Variants in CNTN4 observed in about 807,000 individuals in gnomAD.
CNTN4 encodes contactin-4.
Under a neutral mutation model 122.5 loss-of-function variants are expected in CNTN4, and 77 were observed. That is an observed-to-expected ratio of 0.63 (90% CI 0.52 to 0.76). The LOEUF (loss-of-function observed/expected upper bound fraction) is 0.76. CNTN4 is among the 30% of genes least tolerant of loss of function. CNTN4 has a pLI of 0.00. For missense variants in CNTN4, 1,256 were observed against 1,259.1 expected (o/e 1.00, Z 0.04); for synonymous variants, 512 against 447.0 (o/e 1.15, Z -1.83).
chr3:2,227,085 C>T (rs1023001913), intron 2 of CNTN4, among the ~76,000 whole-genome samples: 5 of 152,000 alleles, frequency 3.3e-5, no homozygotes, highest in African/African-American at 1.2e-4. Context: ...TCTGTTACTA[C>T]CTGCGTATTT....
intron 2 of CNTN4, among the ~76,000 whole-genome samples, chr3:2,159,662 G>T (rs76900868): frequency 6.6e-6 from 1 of 152,034 alleles, no homozygotes; most frequent in Non-Finnish European, 1.5e-5. Context: ...GCATCTTACC[G>T]TGTGAGGTGG....
At chr3:2,380,290 C>T (rs1291907530) in intron 3 of CNTN4, among the ~76,000 whole-genome samples, 1 of 118,944 alleles carries the variant, frequency 8.4e-6, no homozygotes, top group African/African-American at 2.6e-5. Flanking sequence ...TCAATGGTAA[C>T]ATTAGGGTTT....
At chr3:2,749,500 A>G (rs1342486982) in intron 6 of CNTN4, among the ~76,000 whole-genome samples, 1 of 151,996 alleles carries the variant, frequency 6.6e-6, no homozygotes, top group Non-Finnish European at 1.5e-5. Flanking sequence ...ATGATTGTGT[A>G]TTTACTTTTT....
At chr3:2,407,858 G>A (rs1337248219) in intron 3 of CNTN4, among the ~76,000 whole-genome samples, 1 of 152,162 alleles carries the variant, frequency 6.6e-6, no homozygotes, top group African/African-American at 2.4e-5. Context: ...TTCCCTTCAT[G>A]TAATATTCCC....
At chr3:2,387,432 A>G (rs1259989955) in intron 3 of CNTN4, among the ~76,000 whole-genome samples, 1 of 152,186 alleles carries the variant, frequency 6.6e-6, no homozygotes, top group African/African-American at 2.4e-5. Flanking sequence ...ATTTTTTATC[A>G]AAAGAAGTAT....
chr3:2,862,473 C>G (rs1436733982), intron 7 of CNTN4, among the ~76,000 whole-genome samples: 5 of 152,160 alleles, frequency 3.3e-5, no homozygotes, highest in African/African-American at 1.2e-4. Flanking sequence ...CTAGGCCTTT[C>G]TTCTTTAATG....
At chr3:2,627,736 G>T (rs547328406) in intron 4 of CNTN4, among the ~76,000 whole-genome samples, 6 of 151,966 alleles carry the variant, frequency 3.9e-5, no homozygotes, top group Non-Finnish European at 7.4e-5. Context: ...CTTGTGATCT[G>T]CCCGCCTCGG....
intron 6 of CNTN4, among the ~76,000 whole-genome samples, chr3:2,787,602 C>T (rs1044539455): frequency 6.6e-6 from 1 of 152,058 alleles, no homozygotes; most frequent in Admixed American, 6.6e-5. Context: ...GAATTGGATT[C>T]CCTGAATTCA....
At chr3:3,004,565 A>C (rs1260779305) in intron 14 of CNTN4, among the ~76,000 whole-genome samples, 2 of 152,236 alleles carry the variant, frequency 1.3e-5, no homozygotes, top group African/African-American at 4.8e-5. Context: ...AAGATAGACA[A>C]ATCAGGTTCT....
chr3:2,115,276 A>G (rs1180083985), intron 2 of CNTN4, among the ~76,000 whole-genome samples: 1 of 152,250 alleles, frequency 6.6e-6, no homozygotes, highest in Non-Finnish European at 1.5e-5. Flanking sequence ...CCCACTGAAC[A>G]TGGTGTGTGG....
chr3:2,400,103 C>T (rs978430929), intron 3 of CNTN4, among the ~76,000 whole-genome samples: 1 of 151,806 alleles, frequency 6.6e-6, no homozygotes, highest in South Asian at 2.1e-4. Flanking sequence ...GGATATCAGT[C>T]CTGTAAGGAT....
intron 2 of CNTN4, among the ~76,000 whole-genome samples, chr3:2,192,763 C>A (rs751664036): frequency 2.0e-5 from 3 of 152,094 alleles, no homozygotes; most frequent in Non-Finnish European, 4.4e-5. Flanking sequence ...GAATGGCTTA[C>A]TGATTTTTCT....
chr3:2,710,713 C>G (rs2087093023), intron 4 of CNTN4, among the ~76,000 whole-genome samples: 1 of 152,074 alleles, frequency 6.6e-6, no homozygotes, highest in South Asian at 2.1e-4. Flanking sequence ...CTAATTGAGG[C>G]CATTTCTACC....
At chr3:2,701,868 T>C (rs545783225) in intron 4 of CNTN4, among the ~76,000 whole-genome samples, 107 of 152,304 alleles carry the variant, frequency 7.0e-4, no homozygotes, top group African/African-American at 2.4e-3. Flanking sequence ...TTTGCACCAA[T>C]GTAAACAGGA....
At chr3:2,833,892 C>T (rs1026909489) in intron 7 of CNTN4, among the ~76,000 whole-genome samples, 1 of 152,152 alleles carries the variant, frequency 6.6e-6, no homozygotes, top group Non-Finnish European at 1.5e-5. Context: ...ATAATCCCAA[C>T]ACTTGGGGAG....
At chr3:2,608,850 G>A (rs900365433) in intron 4 of CNTN4, among the ~76,000 whole-genome samples, 6 of 152,324 alleles carry the variant, frequency 3.9e-5, no homozygotes, top group African/African-American at 1.4e-4. Flanking sequence ...GTTGTGGCAT[G>A]AACTATCTGA....
chr3:2,953,861 G>A (rs1019717083), intron 13 of CNTN4, among the ~76,000 whole-genome samples: 8 of 152,082 alleles, frequency 5.3e-5, no homozygotes, highest in Non-Finnish European at 1.0e-4. Context: ...TTAATGCACC[G>A]ATTCATTCAT....
intron 2 of CNTN4, among the ~76,000 whole-genome samples, chr3:2,314,908 T>C (rs1016058119): frequency 1.3e-5 from 2 of 152,196 alleles, no homozygotes; most frequent in Non-Finnish European, 1.5e-5. Flanking sequence ...ATCAATGAAC[T>C]GTTCATTTAA....
intron 3 of CNTN4, among the ~76,000 whole-genome samples, chr3:2,507,220 T>C (rs927006833): frequency 6.6e-6 from 1 of 151,990 alleles, no homozygotes; most frequent in Admixed American, 6.6e-5. Flanking sequence ...CTTAAACATA[T>C]TGAGGTTAAC....
Sources: gnomAD v4.1 joint callset for allele counts (sites outside exome capture counted in the v4.1 genomes callset) on GRCh38, gnomAD v4.1.1 for gene constraint, MANE v1.5 for transcripts, NCBI Gene and HGNC (gene_info 2026-07-23, HGNC 2026-07-21) for gene names.